GALNT14: variants seen among roughly 807,000 people sequenced by gnomAD.
GALNT14 encodes UDP-GalNAc:polypeptide N-acetylgalactosaminyltransferase 14.
A neutral mutation model predicts 77.5 loss-of-function variants in GALNT14; 60 were observed. The ratio of observed to expected loss-of-function variants is 0.77; its 90% CI spans 0.63 to 0.96. The LOEUF (loss-of-function observed/expected upper bound fraction) is 0.96, where lower values mean the gene tolerates loss of function less well. GALNT14 is among the 40% of genes least tolerant of loss of function. The pLI is 0.00. For missense variants in GALNT14, 710 were observed against 731.0 expected (o/e 0.97, Z 0.33); for synonymous variants, 280 against 281.7 (o/e 0.99, Z 0.06).
chr2:31,116,578 C>G (rs757286565), intron 1 of GALNT14, among the ~76,000 whole-genome samples: 5 of 151,852 alleles, frequency 3.3e-5, no homozygotes, highest in Non-Finnish European at 5.9e-5. Flanking sequence ...ATTATAAAGC[C>G]AAAACTCTTG....
intron 3 of GALNT14, among the ~76,000 whole-genome samples, chr2:30,965,909 C>A (rs1326944461): frequency 6.6e-6 from 1 of 152,140 alleles, no homozygotes; most frequent in African/African-American, 2.4e-5. Context: ...TAGAGGCAGC[C>A]TGGCAGAGTG....
intron 10 of GALNT14, among the ~76,000 whole-genome samples, chr2:30,931,677 C>T (rs1665737408): frequency 6.6e-6 from 1 of 152,090 alleles, no homozygotes; most frequent in South Asian, 2.1e-4. Context: ...GACCTCTCCC[C>T]TAGTGACCCA....
intron 1 of GALNT14, among the ~76,000 whole-genome samples, chr2:31,096,317 T>C (rs538675965): frequency 1.2e-4 from 18 of 152,286 alleles, no homozygotes; most frequent in South Asian, 4.1e-4. Flanking sequence ...GTGCACAACT[T>C]TGGGGGCACA....
intron 1 of GALNT14, among the ~76,000 whole-genome samples, chr2:31,046,498 G>A (rs1193904731): frequency 6.6e-6 from 1 of 152,158 alleles, no homozygotes; most frequent in Non-Finnish European, 1.5e-5. Flanking sequence ...TAAGTGCTGG[G>A]ATTACGGGCG....
intron 1 of GALNT14, among the ~76,000 whole-genome samples, chr2:31,060,963 A>G (rs1674553539): frequency 6.6e-6 from 1 of 152,182 alleles, no homozygotes; most frequent in East Asian, 1.9e-4. Context: ...TTTGAACAGA[A>G]GGCAGGACTT....
intron 8 of GALNT14, among the ~76,000 whole-genome samples, chr2:30,943,212 A>AT (rs1447031030): frequency 2.0e-5 from 3 of 151,886 alleles, no homozygotes; most frequent in Non-Finnish European, 4.4e-5. Context: ...ACACCCTCAT[A>AT]TTTTTTTCCT....
chr2:31,043,849 T>C (rs1024646959), intron 1 of GALNT14, among the ~76,000 whole-genome samples: 2 of 152,160 alleles, frequency 1.3e-5, no homozygotes, highest in East Asian at 1.9e-4. Flanking sequence ...CAGATATCCA[T>C]ACAAGGTACA....
At chr2:31,075,439 T>C (rs1675707558) in intron 1 of GALNT14, among the ~76,000 whole-genome samples, 1 of 152,156 alleles carries the variant, frequency 6.6e-6, no homozygotes, top group Non-Finnish European at 1.5e-5. Context: ...CCTAAAAGGT[T>C]TGTTGATTGA....
intron 1 of GALNT14, among the ~76,000 whole-genome samples, chr2:31,017,924 T>A (rs2148454380): frequency 6.6e-6 from 1 of 152,372 alleles, no homozygotes; most frequent in East Asian, 1.9e-4. Context: ...GAGATGTCTG[T>A]GTGAGTAATA....
intron 6 of GALNT14, among the ~76,000 whole-genome samples, chr2:30,954,165 G>T (rs1667216077): frequency 6.6e-6 from 1 of 152,288 alleles, no homozygotes; most frequent in Middle Eastern, 3.4e-3. Flanking sequence ...TCCAGGGACA[G>T]GAAGGGCTTG....
chr2:31,082,484 C>A (rs947383410), intron 1 of GALNT14, among the ~76,000 whole-genome samples: 2 of 152,188 alleles, frequency 1.3e-5, no homozygotes, highest in African/African-American at 4.8e-5. Flanking sequence ...TTGGAGAAAG[C>A]CAGTTTCTAG....
chr2:30,917,138 C>A (rs1346350497), intron 13 of GALNT14, among the ~76,000 whole-genome samples: 3 of 146,876 alleles, frequency 2.0e-5, no homozygotes, highest in Non-Finnish European at 4.5e-5. Context: ...TGGGCCCAGG[C>A]AGAGGAGCTG....
At chr2:31,026,538 T>C (rs1423245464) in intron 1 of GALNT14, among the ~76,000 whole-genome samples, 1 of 152,166 alleles carries the variant, frequency 6.6e-6, no homozygotes, top group Non-Finnish European at 1.5e-5. Flanking sequence ...TGACGCCAAG[T>C]CACCCTGGCA....
At chr2:31,097,256 T>C (rs894874709) in intron 1 of GALNT14, among the ~76,000 whole-genome samples, 1 of 152,176 alleles carries the variant, frequency 6.6e-6, no homozygotes, top group African/African-American at 2.4e-5. Context: ...AGGAGATTAC[T>C]TGAAAGTCTT....
chr2:31,109,182 C>T (rs886801957), intron 1 of GALNT14, among the ~76,000 whole-genome samples: 1 of 152,150 alleles, frequency 6.6e-6, no homozygotes, highest in Non-Finnish European at 1.5e-5. Context: ...GTTACTGTGG[C>T]CAAATGCAGC....
chr2:31,039,077 G>A (rs1001137589), intron 1 of GALNT14, among the ~76,000 whole-genome samples: 2 of 151,968 alleles, frequency 1.3e-5, no homozygotes, highest in Admixed American at 6.6e-5. Flanking sequence ...AATGCTCCCC[G>A]GATTGTTTCA....
chr2:31,052,972 C>T (rs1673981034), intron 1 of GALNT14, among the ~76,000 whole-genome samples: 1 of 152,164 alleles, frequency 6.6e-6, no homozygotes, highest in Non-Finnish European at 1.5e-5. Context: ...TTGCTTGTCA[C>T]CAGCCTCTGA....
intron 2 of GALNT14, among the ~76,000 whole-genome samples, chr2:30,981,999 C>T (rs548593807): frequency 6.6e-6 from 1 of 152,250 alleles, no homozygotes; most frequent in East Asian, 1.9e-4. Flanking sequence ...AGGCAGGTTA[C>T]TGAGGGGGGA....
intron 1 of GALNT14, among the ~76,000 whole-genome samples, chr2:31,115,697 T>G (rs1163958660): frequency 6.6e-6 from 1 of 152,154 alleles, no homozygotes; most frequent in Non-Finnish European, 1.5e-5. Flanking sequence ...AAAAGTCTTC[T>G]AAAGGCCCAT....
Sources: allele counts gnomAD v4.1 joint callset (sites outside exome capture counted in the v4.1 genomes callset), GRCh38; gene constraint gnomAD v4.1.1; transcripts MANE v1.5; gene names NCBI Gene and HGNC (gene_info 2026-07-23, HGNC 2026-07-21).